Variants in DPP10 observed in about 807,000 individuals in gnomAD.
The protein encoded by DPP10 is dipeptidyl peptidase like 10.
In DPP10, 33 loss-of-function variants were observed where a neutral mutation model predicts 120.9. The ratio of observed to expected loss-of-function variants is 0.27; its 90% CI spans 0.21 to 0.37. The LOEUF (loss-of-function observed/expected upper bound fraction) is 0.37. Ranked by LOEUF, DPP10 falls within the 10% of genes least tolerant of loss-of-function variation. The pLI is 1.00. For synonymous variants in DPP10, 337 were observed against 326.1 expected (o/e 1.03, Z -0.36); for missense variants, 816 against 942.8 (o/e 0.87, Z 1.76).
intron 1 of DPP10, among the ~76,000 whole-genome samples, chr2:115,262,202 A>G (rs995295468): frequency 1.3e-5 from 2 of 152,132 alleles, no homozygotes; most frequent in African/African-American, 4.8e-5. Context: ...TTGCAAGAAC[A>G]CAAAATCCTG....
intron 1 of DPP10, among the ~76,000 whole-genome samples, chr2:115,249,993 A>G (rs1052582336): frequency 3.9e-5 from 6 of 152,172 alleles, no homozygotes; most frequent in African/African-American, 1.4e-4. Flanking sequence ...CAAACACTGA[A>G]AGGATGACAG....
At chr2:114,701,590 C>T (rs1246946937) in intron 1 of DPP10, among the ~76,000 whole-genome samples, 1 of 152,130 alleles carries the variant, frequency 6.6e-6, no homozygotes, top group East Asian at 1.9e-4. Flanking sequence ...AAGATAACTA[C>T]ATTTGCCTAA....
chr2:115,012,371 G>T (rs1019540405), intron 1 of DPP10, among the ~76,000 whole-genome samples: 1 of 152,052 alleles, frequency 6.6e-6, no homozygotes, highest in African/African-American at 2.4e-5. Flanking sequence ...GCTGGAGGCC[G>T]ACCAACACAA....
chr2:115,138,248 G>GAA (rs2104826476), intron 1 of DPP10, among the ~76,000 whole-genome samples: 1 of 152,184 alleles, frequency 6.6e-6, no homozygotes, highest in African/African-American at 2.4e-5. Flanking sequence ...ACAGATGGTG[G>GAA]AAAATGGCAT....
At chr2:115,454,159 T>C (rs922699444) in intron 3 of DPP10, among the ~76,000 whole-genome samples, 28 of 151,640 alleles carry the variant, frequency 1.8e-4, no homozygotes, top group Admixed American at 8.6e-4. Context: ...GAAATAGTAG[T>C]AATCTTTCCT....
At chr2:115,276,130 T>A (rs2059912630) in intron 1 of DPP10, among the ~76,000 whole-genome samples, 1 of 152,188 alleles carries the variant, frequency 6.6e-6, no homozygotes, top group African/African-American at 2.4e-5. Flanking sequence ...TCTACTTTGC[T>A]CTTGGCTGTA....
Position 114,611,949 on chromosome 2 carries a change from A to G in DPP10, c.60+169111A>G, listed in dbSNP as rs554245030. 1.6e-4 allele frequency among the ~76,000 whole-genome samples: 24 copies of G among 152,272 alleles called. 1 individual carries two copies. The highest frequency in any genetic ancestry group is 5.2e-4 in the Admixed American group (8 of 15,292). On this transcript the variant is annotated intron_variant, in intron 1 of 25. Transcript: ENST00000410059. Reference sequence around the variant, plus strand: ...TGCTAACTGCTTTGCTTATTTTTCTAATTTTGTTCTCTCCATTTCCTAGGA... The same window carrying G: ...TGCTAACTGCTTTGCTTATTTTTCTGATTTTGTTCTCTCCATTTCCTAGGA...
chr2:114,719,790 ATTC>A (rs1167148428), intron 1 of DPP10, among the ~76,000 whole-genome samples: 9 of 152,206 alleles, frequency 5.9e-5, no homozygotes, highest in Non-Finnish European at 1.3e-4. Context: ...ATGGCTATAT[ATTC>A]TTCTTCTTAG....
chr2:115,811,113 A>T (rs1686594128), intron 19 of DPP10, among the ~76,000 whole-genome samples: 1 of 152,322 alleles, frequency 6.6e-6, no homozygotes, highest in East Asian at 1.9e-4. Context: ...TTTCCTGCAC[A>T]TGCCTGATTT....
intron 3 of DPP10, among the ~76,000 whole-genome samples, chr2:115,452,887 A>G (rs956731242): frequency 6.6e-6 from 1 of 151,938 alleles, no homozygotes; most frequent in Non-Finnish European, 1.5e-5. Flanking sequence ...ATGAGCATAT[A>G]GTAGGATTTA....
intron 1 of DPP10, among the ~76,000 whole-genome samples, chr2:115,067,180 TC>T (rs1706921529): frequency 6.6e-6 from 1 of 152,132 alleles, no homozygotes; most frequent in African/African-American, 2.4e-5. Context: ...CTAGCTTATT[TC>T]CTTTAACATA....
chr2:114,911,197 T>A lies in DPP10; in HGVS notation c.61-398042T>A, dbSNP rs146057027. Among the ~76,000 whole-genome samples the A allele has an allele frequency of 5.7e-3, 874 of 152,264 alleles. 7 individuals carry two copies. The highest frequency in any genetic ancestry group is 0.016 in the South Asian group (79 of 4,830). On this transcript the variant is annotated intron_variant, in intron 1 of 25. Coordinates refer to ENST00000410059, the MANE Select transcript of DPP10 (RefSeq NM_020868.6). ...GTTTGATTCTTTTATGTTCTCTTAT[T>A]TTTTTTCACTTCAATTTGTCTTTTA...
At chr2:114,655,052 G>T (rs759806767) in intron 1 of DPP10, among the ~76,000 whole-genome samples, 2 of 152,098 alleles carry the variant, frequency 1.3e-5, no homozygotes, top group Admixed American at 1.3e-4. Context: ...TAACTTCGGT[G>T]CTTCATACAC....
At chr2:115,289,500 A>AATAGGAAG (rs1553539647) in intron 1 of DPP10, among the ~76,000 whole-genome samples, 6,267 of 113,460 alleles carry the variant, frequency 0.055, 279 homozygotes, top group East Asian at 0.19. Flanking sequence ...AAAAAAAAAA[A>AATAGGAAG]AAAAGGAAGA....
intron 1 of DPP10, among the ~76,000 whole-genome samples, chr2:114,864,494 A>G (rs1254841113): frequency 2.0e-5 from 3 of 152,212 alleles, no homozygotes; most frequent in Non-Finnish European, 2.9e-5. Flanking sequence ...TTACCAGCCC[A>G]CTGAGAAGTG....
intron 1 of DPP10, among the ~76,000 whole-genome samples, chr2:115,052,512 A>G (rs1046715594): frequency 2.0e-5 from 3 of 152,242 alleles, no homozygotes; most frequent in Admixed American, 6.5e-5. Context: ...AAAATCAGCA[A>G]GTGATCTGGA....
chr2:115,229,338 T>C (rs2057612386), intron 1 of DPP10, among the ~76,000 whole-genome samples: 1 of 152,178 alleles, frequency 6.6e-6, no homozygotes, highest in Non-Finnish European at 1.5e-5. Context: ...CTCTTCACTT[T>C]GTTGATTGTT....
intron 19 of DPP10, 22 bp downstream of exon 19, chr2:115,791,378 A>G: frequency 6.4e-7 from 1 of 1,554,616 alleles, no homozygotes; most frequent in African/African-American, 1.4e-5. Context: ...ATTTGTTTTT[A>G]AAATAAAGGA....
intron 1 of DPP10, among the ~76,000 whole-genome samples, chr2:114,853,169 A>G (rs1219968444): frequency 6.6e-6 from 1 of 152,198 alleles, no homozygotes; most frequent in Non-Finnish European, 1.5e-5. Context: ...CTGGGGGACA[A>G]TGATCTCTGG....
Sources: allele counts gnomAD v4.1 joint callset (sites outside exome capture counted in the v4.1 genomes callset), GRCh38; gene constraint gnomAD v4.1.1; transcripts MANE v1.5; gene names NCBI Gene and HGNC (gene_info 2026-07-23, HGNC 2026-07-21).